The following VEPH1 variants were observed in gnomAD, a reference collection of about 807,000 sequenced individuals.
VEPH1 encodes the protein ventricular zone expressed PH domain containing 1, also known as ventricular zone-expressed PH domain-containing protein homolog 1.
VEPH1 carries 80 observed loss-of-function variants against 85.2 expected under a neutral mutation model. That is an observed-to-expected ratio of 0.94 (90% confidence interval 0.78 to 1.13). The LOEUF is 1.13. VEPH1 is among the 50% of genes most tolerant of loss of function. The probability of loss-of-function intolerance (pLI) is 0.00; values close to 1 mark genes in which losing one functional copy is unlikely to be tolerated. For missense variants in VEPH1, 955 were observed against 980.5 expected, an observed-to-expected ratio of 0.97 and a Z score of 0.35; for synonymous variants, 297 against 348.0, an observed-to-expected ratio of 0.85 and a Z score of 1.63.
intron 2 of VEPH1, among the ~76,000 whole-genome samples, chr3:157,487,045 T>C (rs1282187402): frequency 6.6e-6 from 1 of 152,092 alleles, no homozygotes; most frequent in African/African-American, 2.4e-5. Context: ...TGGTCTTACA[T>C]GCTTATATTG....
intron 9 of VEPH1, among the ~76,000 whole-genome samples, chr3:157,338,769 AG>A (rs2108635730): frequency 6.6e-6 from 1 of 152,320 alleles, no homozygotes; most frequent in Admixed American, 6.5e-5. Context: ...TAAAGTCCAC[AG>A]AAAGATTGTG....
intron 9 of VEPH1, among the ~76,000 whole-genome samples, chr3:157,340,175 G>T (rs1010368918): frequency 8.5e-5 from 13 of 152,190 alleles, no homozygotes; most frequent in African/African-American, 3.1e-4. Flanking sequence ...GACAGTGGAT[G>T]CAGGACAGTG....
intron 9 of VEPH1, among the ~76,000 whole-genome samples, chr3:157,359,688 G>A (rs1045920536): frequency 2.0e-5 from 3 of 152,140 alleles, no homozygotes; most frequent in Non-Finnish European, 4.4e-5. Flanking sequence ...AACTCATACC[G>A]AATTCTGCTA....
At chr3:157,475,223 C>A (rs1468414630) in intron 2 of VEPH1, among the ~76,000 whole-genome samples, 1 of 148,530 alleles carries the variant, frequency 6.7e-6, no homozygotes, top group Non-Finnish European at 1.5e-5. Context: ...AACTCCTAGG[C>A]TCAAGTGATC....
chr3:157,365,865 AG>A (rs1000279034), intron 7 of VEPH1, among the ~76,000 whole-genome samples: 2 of 152,146 alleles, frequency 1.3e-5, no homozygotes, highest in Non-Finnish European at 2.9e-5. Flanking sequence ...TTGGAATTTT[AG>A]GGGTTATTAT....
intron 12 of VEPH1, among the ~76,000 whole-genome samples, chr3:157,274,830 A>G (rs1715176019): frequency 6.6e-6 from 1 of 152,130 alleles, no homozygotes; most frequent in South Asian, 2.1e-4. Flanking sequence ...TCATCCACGT[A>G]TTCATTGAAA....
chr3:157,347,116 A>G (rs1369043252), intron 9 of VEPH1, among the ~76,000 whole-genome samples: 2 of 152,180 alleles, frequency 1.3e-5, no homozygotes, highest in Non-Finnish European at 2.9e-5. Flanking sequence ...ATACTGTAGG[A>G]ATACAAAGGA....
chr3:157,440,352 A>G (rs1734022025), intron 4 of VEPH1, among the ~76,000 whole-genome samples: 1 of 152,178 alleles, frequency 6.6e-6, no homozygotes, highest in Non-Finnish European at 1.5e-5. Flanking sequence ...GATAAGGTTC[A>G]TATTTGTTTA....
At chr3:157,279,007 A>T (rs1339273600) in intron 12 of VEPH1, among the ~76,000 whole-genome samples, 1 of 152,198 alleles carries the variant, frequency 6.6e-6, no homozygotes, top group African/African-American at 2.4e-5. Flanking sequence ...ACATAGCAAG[A>T]TCCTATCTTA....
intron 12 of VEPH1, among the ~76,000 whole-genome samples, chr3:157,279,254 G>C (rs1183539879): frequency 6.6e-6 from 1 of 152,320 alleles, no homozygotes; most frequent in East Asian, 1.9e-4. Context: ...GGAAGCTAGA[G>C]GAGTGTTGTG....
At chr3:157,403,218 C>A (rs182935782) in intron 6 of VEPH1, among the ~76,000 whole-genome samples, 24 of 151,968 alleles carry the variant, frequency 1.6e-4, no homozygotes, top group African/African-American at 5.3e-4. Context: ...TCTGGGAATG[C>A]TTTCAGATCC....
intron 4 of VEPH1, among the ~76,000 whole-genome samples, chr3:157,459,332 C>T (rs746707085): frequency 3.3e-5 from 5 of 152,132 alleles, no homozygotes; most frequent in Non-Finnish European, 7.3e-5. Context: ...GGGGATTGGT[C>T]TGGATACCTT....
At chr3:157,368,230 C>T (rs1027162415) in intron 7 of VEPH1, among the ~76,000 whole-genome samples, 3 of 152,166 alleles carry the variant, frequency 2.0e-5, no homozygotes, top group African/African-American at 7.2e-5. Context: ...CACTTAAGCC[C>T]CTTTCCGTGC....
chr3:157,295,338 A>G (rs1235898851), intron 11 of VEPH1, among the ~76,000 whole-genome samples: 3 of 151,576 alleles, frequency 2.0e-5, no homozygotes, highest in Non-Finnish European at 4.4e-5. Flanking sequence ...AGGCTGAGGT[A>G]GAAGGATCAC....
chr3:157,367,492 T>C (rs1726839205), intron 7 of VEPH1, among the ~76,000 whole-genome samples: 1 of 152,210 alleles, frequency 6.6e-6, no homozygotes, highest in Non-Finnish European at 1.5e-5. Context: ...AGTTCATGTA[T>C]AGTCATGAAA....
Position 157,470,313 on chromosome 3 carries a change from C to G in VEPH1, c.354+1G>C. The G allele has an allele frequency of 3.1e-6, 5 of 1,613,954 alleles. No individual in the cohort carries two copies. The highest frequency in any genetic ancestry group is 4.2e-6 in the Non-Finnish European group (5 of 1,179,922). On this transcript the variant is annotated splice_donor_variant, in intron 3 of 13. Coordinates refer to ENST00000362010, the MANE Select transcript of VEPH1 (RefSeq NM_001167912.2). LOFTEE classifies it high-confidence loss of function. Reference sequence around the variant, plus strand: ...TAGCCTGATGTTGAACACTGACATACCTGTAAAATGCAACTCATGATATCA... The same window carrying G: ...TAGCCTGATGTTGAACACTGACATAGCTGTAAAATGCAACTCATGATATCA...
intron 4 of VEPH1, among the ~76,000 whole-genome samples, chr3:157,438,114 T>C (rs1291012567): frequency 6.7e-6 from 1 of 149,592 alleles, no homozygotes; most frequent in African/African-American, 2.4e-5. Flanking sequence ...AGGCACACCA[T>C]ACAAGGCGGG....
At chr3:157,276,733 A>G (rs1202964943) in intron 12 of VEPH1, among the ~76,000 whole-genome samples, 1 of 152,130 alleles carries the variant, frequency 6.6e-6, no homozygotes, top group African/African-American at 2.4e-5. Flanking sequence ...TAGTGAGACA[A>G]AAATTTTAAG....
At chr3:157,368,631 A>G (rs970500614) in intron 7 of VEPH1, among the ~76,000 whole-genome samples, 47 of 152,162 alleles carry the variant, frequency 3.1e-4, no homozygotes, top group African/African-American at 1.1e-3. Context: ...AGCTGGGACT[A>G]CAGGTGCCCG....
Sources: allele counts gnomAD v4.1 joint callset (sites outside exome capture counted in the v4.1 genomes callset), GRCh38; gene constraint gnomAD v4.1.1; transcripts MANE v1.5; gene names NCBI Gene and HGNC (gene_info 2026-07-23, HGNC 2026-07-21).